LRP1: variants seen among roughly 807,000 people sequenced by gnomAD.
The protein encoded by LRP1 is prolow-density lipoprotein receptor-related protein 1.
Under a neutral mutation model 541.5 loss-of-function variants are expected in LRP1, and 51 were observed. The ratio of observed to expected loss-of-function variants is 0.09; its 90% CI spans 0.08 to 0.12. The LOEUF is 0.12. Among genes scored for constraint, LRP1 ranks in the 10% least tolerant of loss-of-function variants. The pLI is 1.00. For synonymous variants in LRP1, 2,219 were observed against 2,470.8 expected, an observed-to-expected ratio of 0.90 and a Z score of 3.02; for missense variants, 3,878 against 6,376.2, an observed-to-expected ratio of 0.61 and a Z score of 13.34.
intron 12 of LRP1, 144 bp downstream of exon 12, chr12:57,160,149 AG>A: frequency 1.3e-6 from 1 of 747,104 alleles, no homozygotes; most frequent in South Asian, 1.8e-5. Context: ...GGGGAGAAGG[AG>A]TCCCTGTCTT....
intron 62 of LRP1, 139 bp downstream of exon 62, chr12:57,200,164 C>T: frequency 1.4e-6 from 1 of 713,288 alleles, no homozygotes; most frequent in African/African-American, 1.8e-5. Context: ...TTCTTGCCTA[C>T]CTCTTGTCTC....
intron 48 of LRP1, 97 bp downstream of exon 48, chr12:57,194,109 C>A: frequency 8.7e-7 from 1 of 1,154,318 alleles, no homozygotes; most frequent in Non-Finnish European, 1.3e-6. Flanking sequence ...ACATTCCTCT[C>A]TGCCTTCCCT....
Position 57,177,505 on chromosome 12 carries a change from C to T in LRP1, c.4275C>T (p.Thr1425=), listed in dbSNP as rs192748159. 276 of 1,613,710 alleles carry T rather than the reference C, an allele frequency of 1.7e-4. No individual in the cohort carries two copies. Among genetic ancestry groups the T allele is most frequent in the Non-Finnish European group, 2.2e-4 (265 of 1,179,904 alleles). The change falls in exon 26 of 89, where the codon ACC becomes ACT. Residue 1425 remains threonine (T), a synonymous_variant. Coordinates refer to ENST00000243077, the MANE Select transcript of LRP1 (RefSeq NM_002332.3). The surrounding 1 kb of genome is among the most constrained non-coding windows in gnomAD (Gnocchi z 6.8). ...CCATGAGTGGGGCTGGGCGCCGCAC[C>T]GTGCACCGGGAGACCGGCTCTGGGG... ...AASMSGAGRR[T]VHRETGSGGW...
chr12:57,165,640 G>A lies in LRP1; in HGVS notation c.2531-165G>A. On this transcript the variant is annotated intron_variant, in intron 15 of 88. Coordinates refer to ENST00000243077, the MANE Select transcript of LRP1 (RefSeq NM_002332.3). The surrounding 1 kb of genome is among the most constrained non-coding windows in gnomAD (Gnocchi z 4.5). ...CACTATTGTTGCTTGGGAAAGAATT[G>A]CAGTTTCCATCCAGATAATTTGTTT... is the stretch of plus-strand genomic sequence containing the variant. 1.5e-6 allele frequency: 1 copy of A among 645,202 alleles called. No individual in the cohort carries two copies. The highest frequency in any genetic ancestry group is 2.6e-6 in the Non-Finnish European group (1 of 378,150). 40.0% of individuals were successfully genotyped at this position (645,202 alleles called of 1,614,324 possible).
chr12:57,147,927 G>A (rs780905949), intron 6 of LRP1, among the ~76,000 whole-genome samples: 3 of 152,128 alleles, frequency 2.0e-5, no homozygotes, highest in Non-Finnish European at 4.4e-5. Flanking sequence ...TGGATTGGGT[G>A]GGTCATCTCT....
intron 6 of LRP1, among the ~76,000 whole-genome samples, chr12:57,151,893 A>G (rs2035533490): frequency 6.6e-6 from 1 of 152,190 alleles, no homozygotes; most frequent in Non-Finnish European, 1.5e-5. Flanking sequence ...GGGGTTGGAT[A>G]ACAAAGGATT....
chr12:57,194,570 C>T lies in LRP1; in HGVS notation c.8069-7C>T, dbSNP rs766167659. The T allele has an allele frequency of 3.7e-6, 6 of 1,612,474 alleles. No individual in the cohort carries two copies. Among genetic ancestry groups the T allele is most frequent in the East Asian group, 4.5e-5 (2 of 44,876 alleles). ...AGCAGGGCCCTCACACCTGCCTCGCCCCCCAGGTGTGAAACGCCCCAGATG... is the reference window on the plus strand; with the variant it reads ...AGCAGGGCCCTCACACCTGCCTCGCTCCCCAGGTGTGAAACGCCCCAGATG... On this transcript the variant is annotated splice_polypyrimidine_tract_variant and splice_region_variant and intron_variant, in intron 49 of 88. Transcript: ENST00000243077.
chr12:57,201,453 G>A lies in LRP1; in HGVS notation c.10346-44G>A, dbSNP rs2036652985. 4.5e-6 allele frequency: 7 copies of A among 1,570,896 alleles called. No homozygotes were observed. The highest frequency in any genetic ancestry group is 6.1e-6 in the Non-Finnish European group (7 of 1,153,632). Reference sequence around the variant, plus strand: ...GAAGACAGTGATGGTGAACTGGAGTGGCAGGTGTAAGGGAGGGCCCTCATT... The same window carrying A: ...GAAGACAGTGATGGTGAACTGGAGTAGCAGGTGTAAGGGAGGGCCCTCATT... On this transcript the variant is annotated intron_variant, in intron 65 of 88. Coordinates refer to ENST00000243077, the MANE Select transcript of LRP1 (RefSeq NM_002332.3). The surrounding 1 kb of genome is among the most constrained non-coding windows in gnomAD (Gnocchi z 6.4).
At position 57,204,729 on chromosome 12, in the gene LRP1, G is replaced by A. The variant is rs151301245; in HGVS notation, c.11174G>A (p.Gly3725Glu). 2,155 of 1,614,070 alleles carry A rather than the reference G, an allele frequency of 1.3e-3. 5 individuals carry two copies. The highest frequency in any genetic ancestry group is 1.7e-3 in the Non-Finnish European group (2,029 of 1,180,008). ...GATGGCACGGACAACTGTGGGGATGGGACTGATGAAGAGGACTGTGGTGAG... is the reference window on the plus strand; with the variant it reads ...GATGGCACGGACAACTGTGGGGATGAGACTGATGAAGAGGACTGTGGTGAG... Reference protein sequence around the residue: ...QCDGTDNCGDGTDEEDCEPPT... With the variant: ...QCDGTDNCGDETDEEDCEPPT... The change falls in exon 72 of 89, where the codon GGG becomes GAG. Residue 3725 changes from glycine to glutamate, a missense_variant. Transcript: ENST00000243077. This position sits in a 1 kb window ranked among gnomAD's most constrained non-coding sequence, Gnocchi z 5.3.
intron 44 of LRP1, 39 bp from the exon 45 acceptor site, chr12:57,192,806 A>G: frequency 6.2e-7 from 1 of 1,613,476 alleles, no homozygotes; most frequent in Non-Finnish European, 8.5e-7. Flanking sequence ...CACAGCAGAG[A>G]ACACTCTCCA....
At position 57,211,266 on chromosome 12, in the gene LRP1, G is replaced by T; in HGVS notation, c.13007G>T (p.Gly4336Val). The change falls in exon 84 of 89, where the codon GGA becomes GTA. Residue 4336 changes from glycine (G) to valine (V), a missense_variant. Coordinates refer to ENST00000243077, the MANE Select transcript of LRP1 (RefSeq NM_002332.3). The surrounding 1 kb of genome is among the most constrained non-coding windows in gnomAD (Gnocchi z 4.3). ...TGCCGCTGCACTGCCTACTTTGAGG[G>T]ATCGAGGTGTGAGGTGAACAAGTGC... The part of the protein sequence containing the change: ...RQCRCTAYFE[G>V]SRCEVNKCSR... 6.2e-7 allele frequency: 1 copy of T among 1,614,230 alleles called. No homozygotes were observed. Among genetic ancestry groups the T allele is most frequent in the Non-Finnish European group, 8.5e-7 (1 of 1,180,046 alleles).
chr12:57,138,591 T>C lies in LRP1; in HGVS notation c.190+10T>C, dbSNP rs759299966. The C allele has an allele frequency of 3.1e-6, 5 of 1,613,320 alleles. No homozygotes were observed. Among genetic ancestry groups the C allele is most frequent in the African/African-American group, 1.3e-5 (1 of 74,884 alleles). ...GAGGCCCCTGAGATTTGTAAGTACC[T>C]TTTCTGGATTCTTCTCCCCAAACCC... On this transcript the variant is annotated intron_variant, in intron 2 of 88. Transcript: ENST00000243077.
intron 76 of LRP1, among the ~76,000 whole-genome samples, chr12:57,207,174 C>T (rs569610372): frequency 3.7e-4 from 56 of 150,718 alleles, no homozygotes; most frequent in Middle Eastern, 3.5e-3. Context: ...ACCCGGGAGG[C>T]GGAGCTTGCA....
At chr12:57,195,596 G>A in intron 52 of LRP1, 62 bp from the exon 53 acceptor site, 1 of 1,612,180 alleles carries the variant, frequency 6.2e-7, no homozygotes, top group Non-Finnish European at 8.5e-7. Context: ...GGAGGTTAGA[G>A]TGAGGGACGG....
At chr12:57,145,163 G>T (rs1178357189) in intron 5 of LRP1, 63 bp downstream of exon 5, 3 of 1,613,186 alleles carry the variant, frequency 1.9e-6, no homozygotes, top group African/African-American at 2.7e-5. Context: ...TCCCTGGTGG[G>T]TGGTGGCCTG....
chr12:57,175,330 C>A, intron 22 of LRP1, 130 bp from the exon 23 acceptor site: 2 of 1,074,264 alleles, frequency 1.9e-6, no homozygotes, highest in African/African-American at 1.6e-5. Context: ...GGAATGGAGA[C>A]GAATGGGGCC....
intron 44 of LRP1, among the ~76,000 whole-genome samples, chr12:57,192,061 C>A (rs1331414424): frequency 6.8e-6 from 1 of 147,324 alleles, no homozygotes; most frequent in Non-Finnish European, 1.5e-5. Flanking sequence ...CCACACAGCA[C>A]ACACACACAC....
chr12:57,145,166 G>A (rs1592606812), intron 5 of LRP1, 61 bp from the exon 6 acceptor site: 1 of 1,613,268 alleles, frequency 6.2e-7, no homozygotes, highest in East Asian at 2.2e-5. Flanking sequence ...CTGGTGGGTG[G>A]TGGCCTGAGA....
intron 42 of LRP1, among the ~76,000 whole-genome samples, chr12:57,188,472 C>T (rs1011429179): frequency 6.6e-6 from 1 of 152,178 alleles, no homozygotes; most frequent in Non-Finnish European, 1.5e-5. Flanking sequence ...TCTGTTTCCT[C>T]CTGCCTCTGT....
Sources: gnomAD v4.1 joint callset for allele counts (sites outside exome capture counted in the v4.1 genomes callset) on GRCh38, gnomAD v4.1.1 for gene constraint, Gnocchi (gnomAD v3.1) non-coding constraint, MANE v1.5 for transcripts, NCBI Gene and HGNC (gene_info 2026-07-23, HGNC 2026-07-21) for gene names.